The following FMN2 variants were observed in gnomAD, a reference collection of about 807,000 sequenced individuals.
The protein encoded by FMN2 is formin 2.
In FMN2, 51 loss-of-function variants were observed where a neutral mutation model predicts 142.3. The ratio of observed to expected loss-of-function variants is 0.36; its 90% CI spans 0.29 to 0.45. The LOEUF is 0.45. FMN2 is among the 20% of genes least tolerant of loss of function. The pLI, the probability that FMN2 is intolerant of heterozygous loss-of-function variation, is 1.00. For synonymous variants in FMN2, 882 were observed against 869.8 expected, an observed-to-expected ratio of 1.01 and a Z score of -0.25; for missense variants, 1,936 against 2,122.8, an observed-to-expected ratio of 0.91 and a Z score of 1.73.
intron 3 of FMN2, among the ~76,000 whole-genome samples, chr1:240,183,420 ATATAT>A (rs1421641822): frequency 3.4e-5 from 5 of 148,002 alleles, no homozygotes; most frequent in African/African-American, 9.8e-5. Flanking sequence ...AATATAATAT[ATATAT>A]TATATGATTA....
intron 14 of FMN2, among the ~76,000 whole-genome samples, chr1:240,364,145 G>A (rs1046305921): frequency 6.6e-6 from 1 of 152,128 alleles, no homozygotes; most frequent in Admixed American, 6.6e-5. Flanking sequence ...TTACGATGAG[G>A]AAACAAATTC....
At chr1:240,314,086 T>C (rs1177213947) in intron 8 of FMN2, among the ~76,000 whole-genome samples, 1 of 152,240 alleles carries the variant, frequency 6.6e-6, no homozygotes, top group Non-Finnish European at 1.5e-5. Context: ...TGGTATCTAT[T>C]ACTGTCCTCT....
chr1:240,454,497 G>A (rs979544663), intron 16 of FMN2, among the ~76,000 whole-genome samples: 4 of 152,086 alleles, frequency 2.6e-5, no homozygotes, highest in African/African-American at 7.2e-5. Context: ...AGCTGAGATC[G>A]CACCACTGCA....
intron 2 of FMN2, chr1:240,142,549 G>C: frequency 1.1e-6 from 1 of 949,110 alleles, no homozygotes; most frequent in Non-Finnish European, 1.6e-6. Context: ...ATCTCACTCA[G>C]TAACAAAAGA....
intron 16 of FMN2, among the ~76,000 whole-genome samples, chr1:240,468,435 C>T (rs372756313): frequency 1.3e-5 from 2 of 150,706 alleles, no homozygotes; most frequent in African/African-American, 4.9e-5. Flanking sequence ...CAAGTGCAGA[C>T]ACAGTTTGGA....
rs187913232 is a variant in FMN2 at position 240,473,150 on chromosome 1, A to G, written c.5142+697A>G. The stretch of plus-strand genomic sequence containing the variant: ...CCACTGGGATGTAAAGTTGGTGGGA[A>G]GCGCCAAGAGCAGTGTGACGCTTTG... On this transcript the variant is annotated intron_variant, in intron 17 of 17. Transcript: ENST00000319653. This position sits in a 1 kb window ranked among gnomAD's most constrained non-coding sequence, Gnocchi z 4.3. Among the ~76,000 whole-genome samples, 131 of 152,232 alleles carry G rather than the reference A, an allele frequency of 8.6e-4. No individual in the cohort carries two copies. Among genetic ancestry groups the G allele is most frequent in the Non-Finnish European group, 8.7e-4 (59 of 68,012 alleles).
chr1:240,186,670 C>T (rs1013426692), intron 3 of FMN2, among the ~76,000 whole-genome samples: 8 of 152,012 alleles, frequency 5.3e-5, no homozygotes, highest in African/African-American at 1.2e-4. Context: ...GTGGCTTTGG[C>T]GGCCCTATGG....
At position 240,187,037 on chromosome 1, in the gene FMN2, C is replaced by T. The variant is rs192595508; in HGVS notation, c.1931-1170C>T. The stretch of plus-strand genomic sequence containing the variant: ...ATCCCAGCACTTTGGGAGGCCAAGG[C>T]GGGCGGATCACGAGGTCAGGAGTTC... On this transcript the variant is annotated intron_variant, in intron 3 of 17. Coordinates refer to ENST00000319653, the MANE Select transcript of FMN2 (RefSeq NM_020066.5). 1.3e-3 allele frequency among the ~76,000 whole-genome samples: 193 copies of T among 149,462 alleles called. 1 individual carries two copies. The highest frequency in any genetic ancestry group is 4.5e-3 in the African/African-American group (184 of 40,570).
intron 7 of FMN2, among the ~76,000 whole-genome samples, chr1:240,278,026 A>G (rs776199689): frequency 4.6e-5 from 7 of 152,190 alleles, no homozygotes; most frequent in Admixed American, 6.5e-5. Context: ...CAACATGCAT[A>G]CTTTACACTT....
chr1:240,148,221 CAGAGAGACAGAGACCG>C (rs1663574444), intron 2 of FMN2, among the ~76,000 whole-genome samples: 1 of 85,640 alleles, frequency 1.2e-5, no homozygotes, highest in South Asian at 5.4e-4. Context: ...GAGACAGAGA[CAGAGAGACAGAGACCG>C]AGAGAGACAA....
chr1:240,329,208 T>TG, intron 9 of FMN2, 41 bp downstream of exon 9: 4 of 1,609,440 alleles, frequency 2.5e-6, no homozygotes, highest in Non-Finnish European at 3.4e-6. Context: ...GTCCAGGCTA[T>TG]GGGTGGGCCC....
chr1:240,419,039 C>T lies in FMN2; in HGVS notation c.4911-19022C>T, dbSNP rs1261570181. 4.6e-5 allele frequency among the ~76,000 whole-genome samples: 7 copies of T among 152,258 alleles called. No homozygotes were observed. The South Asian group carries it at 8.3e-4, about 18-fold the overall frequency. On this transcript the variant is annotated intron_variant, in intron 15 of 17. Coordinates refer to ENST00000319653, the MANE Select transcript of FMN2 (RefSeq NM_020066.5). ...AGGAGAACTGCTTGATCCCGCGAGGCGGAGGTTGCAGTGAGCCGAGATCGT... is the reference window on the plus strand; with the variant it reads ...AGGAGAACTGCTTGATCCCGCGAGGTGGAGGTTGCAGTGAGCCGAGATCGT...
At chr1:240,411,263 G>T (rs375491961) in intron 15 of FMN2, among the ~76,000 whole-genome samples, 2 of 152,188 alleles carry the variant, frequency 1.3e-5, no homozygotes, top group East Asian at 1.9e-4. Flanking sequence ...AGTCTTCAGG[G>T]TTGCTTTTAA....
At chr1:240,157,264 T>TAGTTGCTC (rs549573568) in intron 2 of FMN2, among the ~76,000 whole-genome samples, 65 of 152,336 alleles carry the variant, frequency 4.3e-4, no homozygotes, top group African/African-American at 1.5e-3. Flanking sequence ...TGGTATAAAG[T>TAGTTGCTC]AGTTGCTCAC....
In FMN2 at chr1:240,178,197, AG is replaced by A. The variant is rs1008356951; in HGVS notation, c.1930+130del. On this transcript the variant is annotated intron_variant, in intron 3 of 17. Transcript: ENST00000319653. Reference sequence around the variant, plus strand: ...TGGCATTCAGATATAATCTTCAAAAAGTTTTTACTTTGGGGTCTTTTCTCTC... The same window carrying A: ...TGGCATTCAGATATAATCTTCAAAAATTTTTACTTTGGGGTCTTTTCTCTC... 6 of 1,118,750 alleles carry A rather than the reference AG, an allele frequency of 5.4e-6. No homozygotes were observed. The African/African-American group carries it at 9.6e-5, about 18-fold the overall frequency. 69.3% of individuals were successfully genotyped at this position (1,118,750 alleles called of 1,614,324 possible).
intron 2 of FMN2, among the ~76,000 whole-genome samples, chr1:240,156,032 A>T (rs760186490): frequency 1.3e-5 from 2 of 151,896 alleles, no homozygotes. Flanking sequence ...TGAGCCTAGG[A>T]GTTTGAAACC....
intron 3 of FMN2, among the ~76,000 whole-genome samples, chr1:240,181,202 C>T (rs1665136047): frequency 6.6e-6 from 1 of 151,862 alleles, no homozygotes; most frequent in Non-Finnish European, 1.5e-5. Context: ...CGGGGTTTCA[C>T]CATGTTGGCC....
intron 16 of FMN2, chr1:240,457,986 G>A (rs1360929): frequency 0.75 from 114,002 of 152,248 alleles, 42,860 homozygotes; most frequent in Middle Eastern, 0.82. Flanking sequence ...AGTGACATCC[G>A]CAAGAGTAGT....
intron 4 of FMN2, among the ~76,000 whole-genome samples, chr1:240,203,776 A>C (rs1181309532): frequency 6.6e-6 from 1 of 152,208 alleles, no homozygotes. Flanking sequence ...CTATGGAACA[A>C]ACCTGCATGT....
Sources: allele counts gnomAD v4.1 joint callset (sites outside exome capture counted in the v4.1 genomes callset), GRCh38; gene constraint gnomAD v4.1.1; non-coding constraint Gnocchi (gnomAD v3.1); transcripts MANE v1.5; gene names NCBI Gene and HGNC (gene_info 2026-07-23, HGNC 2026-07-21).